COL19A1: variants seen among roughly 807,000 people sequenced by gnomAD.
The protein encoded by COL19A1 is collagen type XIX alpha 1 chain.
In COL19A1, 159 loss-of-function variants were observed where a neutral mutation model predicts 190.2. The ratio of observed to expected loss-of-function variants is 0.84; its 90% CI spans 0.73 to 0.95. The LOEUF (loss-of-function observed/expected upper bound fraction) is 0.95. COL19A1 is among the 40% of genes least tolerant of loss of function. The probability of loss-of-function intolerance (pLI) is 0.00; values close to 1 mark genes in which losing one functional copy is unlikely to be tolerated. For missense variants in COL19A1, 1,418 were observed against 1,431.9 expected (o/e 0.99, Z 0.16); for synonymous variants, 509 against 458.9 (o/e 1.11, Z -1.39).
At chr6:70,149,580 T>C (rs988254001) in intron 27 of COL19A1, 124 bp from the exon 28 acceptor site, 2 of 1,183,986 alleles carry the variant, frequency 1.7e-6, no homozygotes, top group African/African-American at 1.6e-5. Context: ...GTTTTCCACG[T>C]GTGTACGGTG....
intron 18 of COL19A1, among the ~76,000 whole-genome samples, chr6:70,133,028 T>A (rs1785618468): frequency 6.6e-6 from 1 of 152,216 alleles, no homozygotes; most frequent in African/African-American, 2.4e-5. Context: ...CCCATCTCAA[T>A]CTTTCCTTCC....
At chr6:69,937,608 G>A (rs1039121157) in intron 8 of COL19A1, among the ~76,000 whole-genome samples, 6 of 152,132 alleles carry the variant, frequency 3.9e-5, no homozygotes, top group African/African-American at 1.4e-4. Flanking sequence ...GTGTGCCCTA[G>A]CACTGTGACT....
At position 69,886,674 on chromosome 6, in the gene COL19A1, C is replaced by G. The variant is rs552441773; in HGVS notation, c.91+7016C>G. ...ATTACTTTTGCTATAGTCCAGAGAGCCTTTGAAATGACACGGTGCTTTGCC... is the reference window on the plus strand; with the variant it reads ...ATTACTTTTGCTATAGTCCAGAGAGGCTTTGAAATGACACGGTGCTTTGCC... On this transcript the variant is annotated intron_variant, in intron 2 of 50. Coordinates refer to ENST00000620364, the MANE Select transcript of COL19A1 (RefSeq NM_001858.6). Among the ~76,000 whole-genome samples, 4 of 151,772 alleles carry G rather than the reference C, an allele frequency of 2.6e-5. No homozygotes were observed. The South Asian group carries it at 8.3e-4, about 32-fold the overall frequency.
chr6:69,894,492 C>G (rs1278643558), intron 2 of COL19A1, among the ~76,000 whole-genome samples: 3 of 152,154 alleles, frequency 2.0e-5, no homozygotes, highest in African/African-American at 7.2e-5. Flanking sequence ...GTCATGTGAA[C>G]TAAAAGGTAC....
chr6:69,952,641 T>A (rs1774190806), intron 9 of COL19A1, among the ~76,000 whole-genome samples: 1 of 151,950 alleles, frequency 6.6e-6, no homozygotes, highest in African/African-American at 2.4e-5. Flanking sequence ...ATGCTTTGTA[T>A]GATGGGTCTT....
chr6:70,186,062 C>T (rs1384492786), intron 46 of COL19A1, among the ~76,000 whole-genome samples: 1 of 151,964 alleles, frequency 6.6e-6, no homozygotes, highest in African/African-American at 2.4e-5. Context: ...TTGTAAGTGT[C>T]TTTTTTCACC....
chr6:70,130,465 A>G (rs1041069017), intron 18 of COL19A1, among the ~76,000 whole-genome samples: 1 of 152,238 alleles, frequency 6.6e-6, no homozygotes, highest in Admixed American at 6.5e-5. Context: ...ACCTCAGGTG[A>G]TCCACCTGCC....
intron 7 of COL19A1, among the ~76,000 whole-genome samples, chr6:69,936,161 G>A (rs1278443458): frequency 1.3e-5 from 2 of 152,010 alleles, no homozygotes; most frequent in Non-Finnish European, 2.9e-5. Context: ...TCGTTGCTTT[G>A]TAACCAAATT....
intron 27 of COL19A1, 132 bp from the exon 28 acceptor site, chr6:70,149,572 T>A (rs1786896658): frequency 9.0e-7 from 1 of 1,106,900 alleles, no homozygotes; most frequent in Non-Finnish European, 1.3e-6. Context: ...ACTTTGCAGT[T>A]TTCCACGTGT....
At chr6:69,909,789 T>C (rs1053486926) in intron 4 of COL19A1, among the ~76,000 whole-genome samples, 1 of 152,172 alleles carries the variant, frequency 6.6e-6, no homozygotes, top group African/African-American at 2.4e-5. Flanking sequence ...TCCAGATGGC[T>C]TAAGTTCTAA....
chr6:69,990,587 G>C (rs1369475655), intron 11 of COL19A1, among the ~76,000 whole-genome samples: 2 of 151,994 alleles, frequency 1.3e-5, no homozygotes, highest in East Asian at 3.9e-4. Context: ...GGGGTTGTTT[G>C]TCCTGAAGAA....
chr6:70,169,466 T>C (rs898497801), intron 40 of COL19A1, among the ~76,000 whole-genome samples: 3 of 152,206 alleles, frequency 2.0e-5, no homozygotes, highest in African/African-American at 7.2e-5. Context: ...TTTAAAGCCT[T>C]TTCATTATAG....
At chr6:70,060,699 A>C (rs1397920345) in intron 14 of COL19A1, among the ~76,000 whole-genome samples, 1 of 152,186 alleles carries the variant, frequency 6.6e-6, no homozygotes, top group Non-Finnish European at 1.5e-5. Context: ...GCAGGAAAAC[A>C]AGCTCAGGAC....
intron 17 of COL19A1, 101 bp from the exon 18 acceptor site, chr6:70,130,081 G>T: frequency 2.5e-6 from 3 of 1,213,432 alleles, no homozygotes; most frequent in Non-Finnish European, 3.5e-6. Context: ...CATAAAAAGC[G>T]GTTACAGAAC....
chr6:69,974,720 C>G (rs1035043697), intron 11 of COL19A1, among the ~76,000 whole-genome samples: 9 of 151,314 alleles, frequency 5.9e-5, no homozygotes, highest in African/African-American at 2.2e-4. Flanking sequence ...TATCCCAGTT[C>G]TAATCTTTCA....
At chr6:69,948,562 T>C (rs1221151565) in intron 9 of COL19A1, among the ~76,000 whole-genome samples, 1 of 151,758 alleles carries the variant, frequency 6.6e-6, no homozygotes, top group African/African-American at 2.4e-5. Flanking sequence ...GCTGATCAAA[T>C]GAATTGCCAT....
intron 49 of COL19A1, among the ~76,000 whole-genome samples, chr6:70,204,549 C>T (rs908505748): frequency 6.6e-6 from 1 of 152,136 alleles, no homozygotes; most frequent in Admixed American, 6.6e-5. Flanking sequence ...TATGCAAATA[C>T]ACGAATCACA....
chr6:70,211,153 A>T lies in COL19A1; in HGVS notation c.*3879A>T, dbSNP rs775848778. ...TTGCTCAGTGTACTTAAAATTTTAC[A>T]GTTATATTTGTATAACGTTTATATT... On this transcript the variant is annotated 3_prime_UTR_variant, in exon 51 of 51. Coordinates refer to ENST00000620364, the MANE Select transcript of COL19A1 (RefSeq NM_001858.6). 6.6e-6 allele frequency among the ~76,000 whole-genome samples: 1 copy of T among 152,142 alleles called. No individual in the cohort carries two copies. The highest frequency in any genetic ancestry group is 1.5e-5 in the Non-Finnish European group (1 of 67,988).
At position 69,962,874 on chromosome 6, in the gene COL19A1, A is replaced by G; in HGVS notation, c.1026+4A>G. 5 of 1,603,232 alleles carry G rather than the reference A, an allele frequency of 3.1e-6. No homozygotes were observed. The highest frequency in any genetic ancestry group is 4.3e-6 in the Non-Finnish European group (5 of 1,172,886). ...CAAAGGAGAAACTGGTGAAAAGGTA[A>G]ATATCTCTTTTTACATTCACATCTG... is the stretch of plus-strand genomic sequence containing the variant. On this transcript the variant is annotated splice_donor_region_variant and intron_variant, in intron 11 of 50. Transcript: ENST00000620364.
Sources: gnomAD v4.1 joint callset for allele counts (sites outside exome capture counted in the v4.1 genomes callset) on GRCh38, gnomAD v4.1.1 for gene constraint, MANE v1.5 for transcripts, NCBI Gene and HGNC (gene_info 2026-07-23, HGNC 2026-07-21) for gene names.